Variants in RPS6KC1 observed in about 807,000 individuals in gnomAD.
RPS6KC1 encodes the protein inactive ribosomal protein S6 kinase delta-1.
Under a neutral mutation model 103.8 loss-of-function variants are expected in RPS6KC1, and 54 were observed. The observed-to-expected ratio is 0.52, with a 90% confidence interval of 0.42 to 0.65. The LOEUF is 0.65. Among genes scored for constraint, RPS6KC1 ranks in the 30% least tolerant of loss-of-function variants. The probability of loss-of-function intolerance (pLI) is 0.00; values close to 1 mark genes in which losing one functional copy is unlikely to be tolerated. For synonymous variants in RPS6KC1, 439 were observed against 438.7 expected (o/e 1.00, Z -0.01); for missense variants, 1,151 against 1,253.8 (o/e 0.92, Z 1.24).
the RPS6KC1 span, among the ~76,000 whole-genome samples, chr1:213,744,745 C>T: frequency 2.9e-4 from 44 of 152,216 alleles, 1 homozygote; most frequent in Non-Finnish European, 5.3e-4. Flanking sequence ...GGGAGAGACC[C>T]GTTCTCCTTT....
chr1:213,501,238 T>C, the RPS6KC1 span, among the ~76,000 whole-genome samples: 6 of 152,186 alleles, frequency 3.9e-5, no homozygotes, highest in East Asian at 1.2e-3. Context: ...AAATAATAAT[T>C]GAAAGTTTGA....
At chr1:213,105,712 T>C (rs749679058) in intron 4 of RPS6KC1, among the ~76,000 whole-genome samples, 6 of 152,236 alleles carry the variant, frequency 3.9e-5, no homozygotes, top group Non-Finnish European at 8.8e-5. Context: ...CAAACTAGGC[T>C]GAGATAATAA....
At chr1:213,538,707 G>C in the RPS6KC1 span, among the ~76,000 whole-genome samples, 1 of 152,132 alleles carries the variant, frequency 6.6e-6, no homozygotes. Context: ...AGTACCCATC[G>C]AGTACGAGTT....
chr1:213,460,012 C>A, the RPS6KC1 span, among the ~76,000 whole-genome samples: 1 of 152,234 alleles, frequency 6.6e-6, no homozygotes, highest in Admixed American at 6.5e-5. Flanking sequence ...ATTATGTGGT[C>A]AATTTTAGAA....
chr1:213,461,638 C>T, the RPS6KC1 span, among the ~76,000 whole-genome samples: 21 of 152,124 alleles, frequency 1.4e-4, no homozygotes, highest in Admixed American at 9.2e-4. Flanking sequence ...CATCTACAAC[C>T]GTCTGATCTT....
At chr1:213,461,283 G>A in the RPS6KC1 span, among the ~76,000 whole-genome samples, 1 of 152,090 alleles carries the variant, frequency 6.6e-6, no homozygotes, top group Non-Finnish European at 1.5e-5. Context: ...AAATAAGAGA[G>A]GACACAAACA....
the RPS6KC1 span, among the ~76,000 whole-genome samples, chr1:213,512,687 T>G: frequency 6.6e-6 from 1 of 152,208 alleles, no homozygotes; most frequent in Non-Finnish European, 1.5e-5. Context: ...GAGGCACACT[T>G]GTGCTTCATT....
At chr1:213,608,797 A>G in the RPS6KC1 span, among the ~76,000 whole-genome samples, 1 of 152,200 alleles carries the variant, frequency 6.6e-6, no homozygotes, top group African/African-American at 2.4e-5. Flanking sequence ...TGTCTAATTA[A>G]TATTGTATTT....
chr1:213,846,238 C>A, the RPS6KC1 span, among the ~76,000 whole-genome samples: 1 of 150,390 alleles, frequency 6.6e-6, no homozygotes, highest in Non-Finnish European at 1.5e-5. Flanking sequence ...AGGCGGAGGT[C>A]GCAGTGAACC....
intron 5 of RPS6KC1, among the ~76,000 whole-genome samples, chr1:213,128,073 T>C (rs2148982238): frequency 6.6e-6 from 1 of 152,350 alleles, no homozygotes; most frequent in East Asian, 1.9e-4. Flanking sequence ...ATATTCATAA[T>C]TATTTGAAAA....
At chr1:213,303,924 G>A in the RPS6KC1 span, among the ~76,000 whole-genome samples, 2 of 152,118 alleles carry the variant, frequency 1.3e-5, no homozygotes, top group Admixed American at 1.3e-4. Flanking sequence ...AGATGCTTGA[G>A]GCCGGGCGCG....
chr1:213,491,469 G>T, the RPS6KC1 span, among the ~76,000 whole-genome samples: 1 of 152,124 alleles, frequency 6.6e-6, no homozygotes, highest in Non-Finnish European at 1.5e-5. Flanking sequence ...GATCACTTGA[G>T]CCCAGGAGGC....
At chr1:213,123,769 T>C (rs1431233296) in intron 5 of RPS6KC1, among the ~76,000 whole-genome samples, 1 of 152,170 alleles carries the variant, frequency 6.6e-6, no homozygotes, top group Non-Finnish European at 1.5e-5. Flanking sequence ...AATTCCTTTT[T>C]GTTGACTATG....
At chr1:213,126,251 A>G (rs1284298054) in intron 5 of RPS6KC1, among the ~76,000 whole-genome samples, 1 of 152,190 alleles carries the variant, frequency 6.6e-6, no homozygotes, top group African/African-American at 2.4e-5. Flanking sequence ...GTAGATAAAT[A>G]ACTGTAGATT....
the RPS6KC1 span, among the ~76,000 whole-genome samples, chr1:213,669,594 A>T: frequency 2.0e-5 from 3 of 152,184 alleles, no homozygotes; most frequent in African/African-American, 7.2e-5. Flanking sequence ...GAAAAATGGC[A>T]CCGATAGACT....
At chr1:213,763,700 G>A in the RPS6KC1 span, among the ~76,000 whole-genome samples, 930 of 152,310 alleles carry the variant, frequency 6.1e-3, 6 homozygotes, top group Non-Finnish European at 8.7e-3. Context: ...GAATAAACGA[G>A]TAAGATTCTT....
the RPS6KC1 span, among the ~76,000 whole-genome samples, chr1:213,564,453 T>G: frequency 6.6e-6 from 1 of 152,164 alleles, no homozygotes. Context: ...AAGAGGGAAC[T>G]TTGTTCCTTC....
the RPS6KC1 span, among the ~76,000 whole-genome samples, chr1:213,375,163 A>G: frequency 4.6e-5 from 7 of 151,126 alleles, no homozygotes; most frequent in African/African-American, 1.5e-4. Flanking sequence ...ATATACACGC[A>G]TACACACATA....
chr1:213,384,574 G>A, the RPS6KC1 span, among the ~76,000 whole-genome samples: 11 of 152,104 alleles, frequency 7.2e-5, no homozygotes, highest in African/African-American at 2.4e-4. Flanking sequence ...GGAAGGTGTC[G>A]AGGGCAGGAG....
Sources: gnomAD v4.1 joint callset for allele counts (sites outside exome capture counted in the v4.1 genomes callset) on GRCh38, gnomAD v4.1.1 for gene constraint, MANE v1.5 for transcripts, NCBI Gene and HGNC (gene_info 2026-07-23, HGNC 2026-07-21) for gene names.